The following RELN variants were observed in gnomAD, a reference collection of about 807,000 sequenced individuals.
The protein encoded by RELN is reelin.
A neutral mutation model predicts 427.6 loss-of-function variants in RELN; 108 were observed. That is an observed-to-expected ratio of 0.25 (90% CI 0.22 to 0.30). The LOEUF (loss-of-function observed/expected upper bound fraction) is 0.30. RELN is among the 10% of genes least tolerant of loss of function. RELN has a pLI of 1.00. For synonymous variants in RELN, 1,524 were observed against 1,513.4 expected, an observed-to-expected ratio of 1.01 and a Z score of -0.16; for missense variants, 3,715 against 4,302.8, an observed-to-expected ratio of 0.86 and a Z score of 3.82.
At chr7:103,957,271 G>A (rs906822837) in intron 1 of RELN, among the ~76,000 whole-genome samples, 4 of 152,070 alleles carry the variant, frequency 2.6e-5, no homozygotes, top group East Asian at 1.9e-4. Context: ...GAAGGAAAAC[G>A]AATTATTCTT....
intron 2 of RELN, among the ~76,000 whole-genome samples, chr7:103,869,990 T>TC (rs1794291225): frequency 6.6e-6 from 1 of 152,148 alleles, no homozygotes; most frequent in Admixed American, 6.6e-5. Context: ...GTACACTGAT[T>TC]CTTTCTTCTG....
intron 58 of RELN, among the ~76,000 whole-genome samples, chr7:103,491,054 A>G (rs1828633686): frequency 6.6e-6 from 1 of 152,234 alleles, no homozygotes; most frequent in Non-Finnish European, 1.5e-5. Flanking sequence ...AAATAATAGC[A>G]TGCATAGCAA....
At chr7:103,564,716 C>T (rs1241558614) in intron 34 of RELN, among the ~76,000 whole-genome samples, 1 of 152,082 alleles carries the variant, frequency 6.6e-6, no homozygotes, top group Non-Finnish European at 1.5e-5. Context: ...GAGGTACAGC[C>T]TCTAACCAGT....
intron 10 of RELN, among the ~76,000 whole-genome samples, chr7:103,694,679 C>T (rs1023185278): frequency 2.0e-5 from 3 of 151,962 alleles, no homozygotes; most frequent in African/African-American, 7.2e-5. Context: ...TAGATGTACT[C>T]TTTGAGATAA....
intron 28 of RELN, among the ~76,000 whole-genome samples, chr7:103,576,060 G>T (rs892870809): frequency 6.6e-6 from 1 of 152,086 alleles, no homozygotes; most frequent in Non-Finnish European, 1.5e-5. Flanking sequence ...GTGAAACCCT[G>T]TCTCTACTAA....
At chr7:103,475,925 A>AT (rs1172427622) in intron 64 of RELN, among the ~76,000 whole-genome samples, 1 of 151,936 alleles carries the variant, frequency 6.6e-6, no homozygotes, top group Non-Finnish European at 1.5e-5. Flanking sequence ...TATATTTCTA[A>AT]TTTTTTTGGT....
intron 2 of RELN, among the ~76,000 whole-genome samples, chr7:103,891,767 C>T (rs1440792519): frequency 6.6e-6 from 1 of 152,122 alleles, no homozygotes; most frequent in African/African-American, 2.4e-5. Flanking sequence ...ATTGTATCAC[C>T]TATATGACCA....
chr7:103,872,640 C>G (rs922322747), intron 2 of RELN, among the ~76,000 whole-genome samples: 2 of 142,270 alleles, frequency 1.4e-5, no homozygotes, highest in African/African-American at 5.0e-5. Flanking sequence ...AATCGCCACA[C>G]TGACTTCCAC....
At chr7:103,896,959 G>T (rs1173767916) in intron 2 of RELN, among the ~76,000 whole-genome samples, 1 of 152,050 alleles carries the variant, frequency 6.6e-6, no homozygotes, top group Non-Finnish European at 1.5e-5. Flanking sequence ...CGTGGCTGGG[G>T]AGGCCTCACA....
chr7:103,549,973 G>C (rs1830377597), intron 41 of RELN, among the ~76,000 whole-genome samples: 1 of 152,176 alleles, frequency 6.6e-6, no homozygotes, highest in African/African-American at 2.4e-5. Flanking sequence ...GATCTCCAGA[G>C]ACACTCTTTG....
In RELN at chr7:103,968,038, A is replaced by G. The variant is rs925486349; in HGVS notation, c.226+21093T>C. Among the ~76,000 whole-genome samples, 5 of 148,626 alleles carry G rather than the reference A, an allele frequency of 3.4e-5. No individual in the cohort carries two copies. Among genetic ancestry groups the G allele is most frequent in the African/African-American group, 1.2e-4 (5 of 40,934 alleles). ...TAAATATAAAATATATTTTGTATAT[A>G]TATTTATATATATGAATATATATAT... On this transcript the variant is annotated intron_variant, in intron 1 of 64. Transcript: ENST00000428762. The surrounding 1 kb of genome is among the most constrained non-coding windows in gnomAD (Gnocchi z 4.3).
intron 10 of RELN, among the ~76,000 whole-genome samples, chr7:103,687,276 G>A (rs1292953735): frequency 1.3e-5 from 2 of 152,158 alleles, no homozygotes; most frequent in South Asian, 2.1e-4. Context: ...GACTTTCACA[G>A]TGTTGGAGGC....
In RELN at chr7:103,482,325, GCCA is replaced by G. The variant is rs973868741; in HGVS notation, c.10280+545_10280+547del. The G allele has an allele frequency of 5.4e-4, 88 of 163,498 alleles. 1 individual carries two copies. The highest frequency in any genetic ancestry group is 2.1e-3 in the African/African-American group (87 of 41,640). 10.1% of individuals were successfully genotyped at this position (163,498 alleles called of 1,614,324 possible). On this transcript the variant is annotated intron_variant, in intron 63 of 64. Transcript: ENST00000428762. ...TCTCTGTGAGGGAACAGTCAACCCG[GCCA>G]GGTGAGAGTGGTGACAGCTTTATTA...
At chr7:103,803,306 C>T (rs896062900) in intron 3 of RELN, among the ~76,000 whole-genome samples, 3 of 152,056 alleles carry the variant, frequency 2.0e-5, no homozygotes, top group Non-Finnish European at 4.4e-5. Flanking sequence ...GATTAAAACA[C>T]CTTTATATAT....
chr7:103,545,302 G>T lies in RELN; in HGVS notation c.6345C>A (p.Gly2115=). The T allele has an allele frequency of 6.2e-7, 1 of 1,614,096 alleles. No individual in the cohort carries two copies. The highest frequency in any genetic ancestry group is 8.5e-7 in the Non-Finnish European group (1 of 1,179,970). The part of the protein sequence containing the change: ...FRWYQGFYPA[G]SQPVTWAIDN... ...CAATGGCCCATGTCACTGGCTGAGAGCCGGCAGGGTAAAATCCCTGGTACC... is the reference window on the plus strand; with the variant it reads ...CAATGGCCCATGTCACTGGCTGAGATCCGGCAGGGTAAAATCCCTGGTACC... Residue 2115 remains glycine (G), a synonymous_variant, in exon 42 of 65, where the codon GGC becomes GGA. Coordinates refer to ENST00000428762, the MANE Select transcript of RELN (RefSeq NM_005045.4).
intron 4 of RELN, among the ~76,000 whole-genome samples, chr7:103,757,727 G>A (rs1395901294): frequency 6.6e-6 from 1 of 152,166 alleles, no homozygotes; most frequent in Non-Finnish European, 1.5e-5. Flanking sequence ...GGTGTGCACA[G>A]AGGGAGATGC....
Position 103,499,139 on chromosome 7 carries a change from TA to T in RELN, c.8668-888del, listed in dbSNP as rs1387708979. Among the ~76,000 whole-genome samples the T allele has an allele frequency of 3.3e-5, 5 of 152,230 alleles. No individual in the cohort carries two copies. In the East Asian group the frequency reaches 9.7e-4, roughly 29 times the overall value. ...TCTCTCTATATAAGTCAAAAGAAAG[TA>T]AACCTTTGAAGGCAGTTTGAAAGAT... On this transcript the variant is annotated intron_variant, in intron 53 of 64. Transcript: ENST00000428762.
At chr7:103,664,110 A>C (rs950410689) in intron 11 of RELN, among the ~76,000 whole-genome samples, 13 of 152,308 alleles carry the variant, frequency 8.5e-5, no homozygotes, top group African/African-American at 2.6e-4. Context: ...TATTTATAGC[A>C]CACCACATTC....
chr7:103,619,162 C>T (rs375609628), intron 20 of RELN, among the ~76,000 whole-genome samples: 1 of 151,858 alleles, frequency 6.6e-6, no homozygotes, highest in African/African-American at 2.4e-5. Context: ...CCAATGAAAA[C>T]TCACATCAAA....
Sources: allele counts gnomAD v4.1 joint callset (sites outside exome capture counted in the v4.1 genomes callset), GRCh38; gene constraint gnomAD v4.1.1; non-coding constraint Gnocchi (gnomAD v3.1); transcripts MANE v1.5; gene names NCBI Gene and HGNC (gene_info 2026-07-23, HGNC 2026-07-21).